CFAP20DC: variants seen among roughly 807,000 people sequenced by gnomAD.
CFAP20DC encodes the protein protein CFAP20DC.
A neutral mutation model predicts 101.7 loss-of-function variants in CFAP20DC; 84 were observed. That is an observed-to-expected ratio of 0.83 (90% CI 0.69 to 0.99). The LOEUF (loss-of-function observed/expected upper bound fraction) is 0.99, where lower values mean the gene tolerates loss of function less well. Among genes scored for constraint, CFAP20DC ranks in the 50% least tolerant of loss-of-function variants. The pLI is 0.00. For missense variants in CFAP20DC, 1,007 were observed against 970.3 expected (o/e 1.04, Z -0.50); for synonymous variants, 359 against 351.2 (o/e 1.02, Z -0.25).
chr3:58,922,279 T>A (rs1303108220), intron 5 of CFAP20DC, among the ~76,000 whole-genome samples: 1 of 152,230 alleles, frequency 6.6e-6, no homozygotes, highest in Non-Finnish European at 1.5e-5. Context: ...TTCAGTTCTC[T>A]ATTCCTACAA....
chr3:58,842,323 T>C lies in CFAP20DC; in HGVS notation c.1971+6709A>G, dbSNP rs9865979. On this transcript the variant is annotated intron_variant, in intron 13 of 16. Coordinates refer to ENST00000482387, the MANE Select transcript of CFAP20DC (RefSeq NM_001394063.1). The stretch of plus-strand genomic sequence containing the variant: ...GTGGGTGCGCGCACCGTGCGCGAGC[T>C]GAAGCAGGGCGAGGCATTGCCTCAC... Among the ~76,000 whole-genome samples, 1,285 of 149,644 alleles carry C rather than the reference T, an allele frequency of 8.6e-3. 15 individuals carry two copies. The highest frequency in any genetic ancestry group is 0.03 in the African/African-American group (1,233 of 40,970).
chr3:59,042,665 T>C (rs1394753498), intron 3 of CFAP20DC, among the ~76,000 whole-genome samples: 1 of 151,882 alleles, frequency 6.6e-6, no homozygotes, highest in East Asian at 1.9e-4. Context: ...AGTGGAGGAG[T>C]AACATTACTT....
At position 58,724,254 on chromosome 3, in the gene CFAP20DC, G is replaced by A. The variant is rs1402275588; in HGVS notation, c.198-6626C>T. On this transcript the variant is annotated intron_variant, in intron 3 of 3. Coordinates refer to the CFAP20DC transcript ENST00000486145. The surrounding 1 kb of genome is among the most constrained non-coding windows in gnomAD (Gnocchi z 5.6). Reference sequence around the variant, plus strand: ...ATCACCATGGGGAAGAGACGTGCAAGGTGACTAAAATCTTGGGAGCAGCAG... The same window carrying A: ...ATCACCATGGGGAAGAGACGTGCAAAGTGACTAAAATCTTGGGAGCAGCAG... 6.6e-6 allele frequency among the ~76,000 whole-genome samples: 1 copy of A among 152,182 alleles called. No individual in the cohort carries two copies. Among genetic ancestry groups the A allele is most frequent in the African/African-American group, 2.4e-5 (1 of 41,434 alleles).
intron 16 of CFAP20DC, among the ~76,000 whole-genome samples, chr3:58,752,029 C>A (rs940169307): frequency 6.6e-6 from 1 of 152,118 alleles, no homozygotes; most frequent in African/African-American, 2.4e-5. Context: ...AAACTGGAAA[C>A]TTGAGCCCAT....
At chr3:58,965,192 C>T (rs72883304) in intron 4 of CFAP20DC, among the ~76,000 whole-genome samples, 6,343 of 152,088 alleles carry the variant, frequency 0.042, 451 homozygotes, top group African/African-American at 0.14. Context: ...CACCAAGGCT[C>T]GAAGGTGTTA....
intron 15 of CFAP20DC, among the ~76,000 whole-genome samples, chr3:58,785,327 T>C (rs965575225): frequency 6.6e-6 from 1 of 152,066 alleles, no homozygotes; most frequent in East Asian, 1.9e-4. Flanking sequence ...TTAATGGGTA[T>C]AAACATACAA....
At chr3:58,747,667 G>A (rs2107192050) in intron 16 of CFAP20DC, among the ~76,000 whole-genome samples, 1 of 152,234 alleles carries the variant, frequency 6.6e-6, no homozygotes, top group South Asian at 2.1e-4. Context: ...GTTCAACAGT[G>A]AGGGATCACC....
chr3:58,810,738 C>T (rs990374148), intron 14 of CFAP20DC, among the ~76,000 whole-genome samples: 12 of 150,666 alleles, frequency 8.0e-5, no homozygotes, highest in Admixed American at 7.9e-4. Context: ...AAAGGGTATT[C>T]AATTAGGAAA....
intron 4 of CFAP20DC, among the ~76,000 whole-genome samples, chr3:59,008,306 T>C (rs1372081729): frequency 6.6e-6 from 1 of 152,184 alleles, no homozygotes; most frequent in Non-Finnish European, 1.5e-5. Context: ...ATGGGAGCTC[T>C]GGTAGTTCCT....
At chr3:58,752,131 C>A (rs533321008) in intron 16 of CFAP20DC, among the ~76,000 whole-genome samples, 2 of 152,256 alleles carry the variant, frequency 1.3e-5, no homozygotes, top group East Asian at 1.9e-4. Flanking sequence ...TAAAACTATG[C>A]AATTAACATG....
At chr3:58,980,005 T>A (rs762445086) in intron 4 of CFAP20DC, among the ~76,000 whole-genome samples, 1 of 152,200 alleles carries the variant, frequency 6.6e-6, no homozygotes, top group Non-Finnish European at 1.5e-5. Context: ...CGATTAGCAC[T>A]GTTTGCCTCG....
intron 5 of CFAP20DC, among the ~76,000 whole-genome samples, chr3:58,935,378 C>G (rs1203413615): frequency 1.3e-5 from 2 of 151,926 alleles, no homozygotes; most frequent in Admixed American, 1.3e-4. Context: ...AATGCCATCC[C>G]CATCAAGCTA....
chr3:58,815,675 C>A (rs2075063546), intron 14 of CFAP20DC, among the ~76,000 whole-genome samples: 1 of 151,250 alleles, frequency 6.6e-6, no homozygotes, highest in Non-Finnish European at 1.5e-5. Context: ...AAAAAACAAA[C>A]AACCCCATCA....
Position 58,888,987 on chromosome 3 carries a change from TG to T in CFAP20DC, c.551-4279del, listed in dbSNP as rs1462017833. On this transcript the variant is annotated intron_variant, in intron 6 of 16. Transcript: ENST00000482387. ...TCTCCACAACCTCACCAGCATCTATTGTTTTTTTTTTTTACTTTTTTTTTTA... is the reference window on the plus strand; with the variant it reads ...TCTCCACAACCTCACCAGCATCTATTTTTTTTTTTTTTACTTTTTTTTTTA... Among the ~76,000 whole-genome samples, 12 of 148,754 alleles carry T rather than the reference TG, an allele frequency of 8.1e-5. No homozygotes were observed. In the South Asian group the frequency reaches 8.8e-4, roughly 11 times the overall value.
rs183733447 is a variant in CFAP20DC at position 58,983,527 on chromosome 3, G to A, written c.279-45765C>T. Among the ~76,000 whole-genome samples, 5 of 152,102 alleles carry A rather than the reference G, an allele frequency of 3.3e-5. No individual in the cohort carries two copies. In the East Asian group the frequency reaches 7.7e-4, roughly 24 times the overall value. On this transcript the variant is annotated intron_variant, in intron 4 of 16. Coordinates refer to ENST00000482387, the MANE Select transcript of CFAP20DC (RefSeq NM_001394063.1). The stretch of plus-strand genomic sequence containing the variant: ...TTGAAAGATTTACACAACAAAATCA[G>A]AGCAAAACACTCTAATGGGAAAGCA...
At chr3:58,972,534 T>C (rs2092010557) in intron 4 of CFAP20DC, among the ~76,000 whole-genome samples, 1 of 152,186 alleles carries the variant, frequency 6.6e-6, no homozygotes. Context: ...GCCATTTTTA[T>C]ATATTCTTTT....
Position 58,815,999 on chromosome 3 carries a change from C to G in CFAP20DC, c.2176-9543G>C, listed in dbSNP as rs192904731. Among the ~76,000 whole-genome samples the G allele has an allele frequency of 4.7e-3, 714 of 151,864 alleles. 17 individuals carry two copies. Among genetic ancestry groups the G allele is most frequent in the African/African-American group, 0.017 (698 of 41,178 alleles). On this transcript the variant is annotated intron_variant, in intron 14 of 16. Transcript: ENST00000482387. ...TGGAAATATCATTTGACCCAGCCATCCCATTACTGGGTATATACCCAAAGG... is the reference window on the plus strand; with the variant it reads ...TGGAAATATCATTTGACCCAGCCATGCCATTACTGGGTATATACCCAAAGG...
At chr3:58,855,256 T>A (rs1575956198) in intron 12 of CFAP20DC, among the ~76,000 whole-genome samples, 2 of 152,202 alleles carry the variant, frequency 1.3e-5, no homozygotes, top group South Asian at 2.1e-4. Context: ...TCACTGGCCA[T>A]CAGAGAAATG....
chr3:58,996,908 A>G (rs1244805714), intron 4 of CFAP20DC, among the ~76,000 whole-genome samples: 2 of 152,200 alleles, frequency 1.3e-5, no homozygotes. Context: ...GGGTGGAGCC[A>G]CAGAGGTTCG....
Sources: allele counts gnomAD v4.1 joint callset (sites outside exome capture counted in the v4.1 genomes callset), GRCh38; gene constraint gnomAD v4.1.1; non-coding constraint Gnocchi (gnomAD v3.1); transcripts MANE v1.5; gene names NCBI Gene and HGNC (gene_info 2026-07-23, HGNC 2026-07-21).